Variants in DPP10 observed in about 807,000 individuals in gnomAD.
The protein encoded by DPP10 is inactive dipeptidyl peptidase 10.
DPP10 carries 33 observed loss-of-function variants against 120.9 expected under a neutral mutation model. The observed-to-expected ratio is 0.27, with a 90% CI of 0.21 to 0.37. The LOEUF (loss-of-function observed/expected upper bound fraction) is 0.37, where lower values mean the gene tolerates loss of function less well. Among genes scored for constraint, DPP10 ranks in the 10% least tolerant of loss-of-function variants. The probability of loss-of-function intolerance (pLI) is 1.00; values close to 1 mark genes in which losing one functional copy is unlikely to be tolerated. For synonymous variants in DPP10, 337 were observed against 326.1 expected, an observed-to-expected ratio of 1.03 and a Z score of -0.36; for missense variants, 816 against 942.8, an observed-to-expected ratio of 0.87 and a Z score of 1.76.
chr2:115,078,632 C>T (rs1038486971), intron 1 of DPP10, among the ~76,000 whole-genome samples: 4 of 152,080 alleles, frequency 2.6e-5, no homozygotes, highest in Admixed American at 2.6e-4. Context: ...TTTAGAATTA[C>T]GTTTCAAAAT....
intron 1 of DPP10, among the ~76,000 whole-genome samples, chr2:114,910,026 GTA>G (rs200254332): frequency 7.3e-5 from 11 of 150,646 alleles, no homozygotes; most frequent in East Asian, 1.9e-4. Flanking sequence ...ACATGTGTGT[GTA>G]TATATATATA....
At chr2:115,515,003 A>T (rs2077426998) in intron 4 of DPP10, among the ~76,000 whole-genome samples, 2 of 152,038 alleles carry the variant, frequency 1.3e-5, no homozygotes, top group Admixed American at 1.3e-4. Flanking sequence ...CGTCTACATT[A>T]TATTTAATTT....
At chr2:115,651,940 C>T (rs898947993) in intron 5 of DPP10, among the ~76,000 whole-genome samples, 6 of 151,768 alleles carry the variant, frequency 4.0e-5, no homozygotes, top group African/African-American at 7.3e-5. Flanking sequence ...TCAAAGTTTC[C>T]CTGAAGCACA....
chr2:115,838,725 C>T (rs1689785480), intron 24 of DPP10, among the ~76,000 whole-genome samples: 1 of 152,110 alleles, frequency 6.6e-6, no homozygotes. Context: ...TAATAAAATA[C>T]AAGCAGAGGT....
chr2:114,554,839 T>C (rs537473216), intron 1 of DPP10, among the ~76,000 whole-genome samples: 1 of 152,300 alleles, frequency 6.6e-6, no homozygotes, highest in South Asian at 2.1e-4. Flanking sequence ...ACATTTGCTT[T>C]TCTGATTAAT....
chr2:115,371,322 G>T (rs1308299453), intron 3 of DPP10, among the ~76,000 whole-genome samples: 1 of 152,058 alleles, frequency 6.6e-6, no homozygotes, highest in Non-Finnish European at 1.5e-5. Context: ...CTGGATGAAA[G>T]AAGGAGTCTC....
intron 5 of DPP10, among the ~76,000 whole-genome samples, chr2:115,626,982 A>T (rs1020685306): frequency 3.9e-5 from 6 of 152,326 alleles, no homozygotes; most frequent in Admixed American, 6.5e-5. Flanking sequence ...GGGTTATGCC[A>T]GAAAGCAATG....
chr2:115,246,047 T>G (rs1034174669), intron 1 of DPP10, among the ~76,000 whole-genome samples: 1 of 152,070 alleles, frequency 6.6e-6, no homozygotes, highest in Admixed American at 6.6e-5. Flanking sequence ...ATACAGAAAT[T>G]GAAATGAAAG....
intron 1 of DPP10, among the ~76,000 whole-genome samples, chr2:114,969,861 C>T (rs1474992013): frequency 6.6e-6 from 1 of 152,162 alleles, no homozygotes. Context: ...CCCCCACCTC[C>T]AGTCCCCACT....
chr2:115,550,061 G>A (rs976184352), intron 5 of DPP10, among the ~76,000 whole-genome samples: 4 of 152,010 alleles, frequency 2.6e-5, no homozygotes, highest in African/African-American at 9.7e-5. Flanking sequence ...CAAATCATTT[G>A]AGTCATACAA....
intron 1 of DPP10, among the ~76,000 whole-genome samples, chr2:115,045,108 A>T (rs956023661): frequency 1.3e-5 from 2 of 152,178 alleles, no homozygotes; most frequent in African/African-American, 4.8e-5. Context: ...CAGTATACTG[A>T]TGTCCTTTCT....
At chr2:114,660,300 CT>C (rs949466194) in intron 1 of DPP10, among the ~76,000 whole-genome samples, 2 of 152,036 alleles carry the variant, frequency 1.3e-5, no homozygotes, top group Non-Finnish European at 2.9e-5. Context: ...AAAAATTACA[CT>C]TTTTTTTCTA....
chr2:114,676,612 C>T (rs903957293), intron 1 of DPP10, among the ~76,000 whole-genome samples: 8 of 152,008 alleles, frequency 5.3e-5, no homozygotes, highest in African/African-American at 1.9e-4. Context: ...CTGGGGAGAT[C>T]GCTGTATGTC....
intron 3 of DPP10, among the ~76,000 whole-genome samples, chr2:115,439,728 C>T (rs979669923): frequency 7.2e-5 from 11 of 152,060 alleles, no homozygotes; most frequent in African/African-American, 2.4e-4. Context: ...TAAAGAAAAT[C>T]GAAATTACCA....
chr2:115,721,740 G>A lies in DPP10; in HGVS notation c.577-6076G>A, dbSNP rs529230922. 7.9e-5 allele frequency among the ~76,000 whole-genome samples: 12 copies of A among 152,206 alleles called. 1 individual carries two copies. Among genetic ancestry groups the A allele is most frequent in the Middle Eastern group, 3.4e-3 (1 of 294 alleles). On this transcript the variant is annotated intron_variant, in intron 7 of 25. Transcript: ENST00000410059. ...AATAAAACTACCTTATGATCTAGCC[G>A]TGCCAGTTCTGGGTATTTATTCAAA...
chr2:114,481,392 C>G (rs1427012690), intron 1 of DPP10, among the ~76,000 whole-genome samples: 1 of 151,894 alleles, frequency 6.6e-6, no homozygotes, highest in Non-Finnish European at 1.5e-5. Flanking sequence ...TATCACAAAG[C>G]CTAAAATAAA....
intron 1 of DPP10, among the ~76,000 whole-genome samples, chr2:114,981,380 G>GA (rs1433230547): frequency 1.8e-4 from 27 of 150,440 alleles, no homozygotes; most frequent in African/African-American, 2.4e-4. Context: ...ATCTTTTACC[G>GA]AAAAAAAAGC....
chr2:114,523,528 G>A (rs1835326), intron 1 of DPP10, among the ~76,000 whole-genome samples: 39,863 of 152,040 alleles, frequency 0.26, 5,776 homozygotes, highest in Non-Finnish European at 0.34. Context: ...CTGGTCCTTT[G>A]TTATCCTTTA....
chr2:114,788,769 C>G (rs530172307), intron 1 of DPP10, among the ~76,000 whole-genome samples: 1 of 152,102 alleles, frequency 6.6e-6, no homozygotes, highest in African/African-American at 2.4e-5. Context: ...AGTTTACTTT[C>G]GTGTGCATTT....
Sources: gnomAD v4.1 joint callset for allele counts (sites outside exome capture counted in the v4.1 genomes callset) on GRCh38, gnomAD v4.1.1 for gene constraint, MANE v1.5 for transcripts, NCBI Gene and HGNC (gene_info 2026-07-23, HGNC 2026-07-21) for gene names.